Variants in SNX30 observed in about 807,000 individuals in gnomAD.
SNX30 encodes sorting nexin family member 30, also known as sorting nexin-30.
A neutral mutation model predicts 46.4 loss-of-function variants in SNX30; 24 were observed. That is an observed-to-expected ratio of 0.52 (90% confidence interval 0.37 to 0.73). The LOEUF (loss-of-function observed/expected upper bound fraction) is 0.73. SNX30 is among the 30% of genes least tolerant of loss of function. The pLI is 0.00. For synonymous variants in SNX30, 189 were observed against 211.5 expected, an observed-to-expected ratio of 0.89 and a Z score of 0.92; for missense variants, 533 against 555.7, an observed-to-expected ratio of 0.96 and a Z score of 0.41.
Position 112,816,085 on chromosome 9 carries a change from ATCCT to A in SNX30, c.349-1613_349-1610del, listed in dbSNP as rs141715540. On this transcript the variant is annotated intron_variant, in intron 2 of 8. Coordinates refer to ENST00000374232, the MANE Select transcript of SNX30 (RefSeq NM_001012994.2). ...GTCTCAAACTCTAGGGCTCAAGCTAATCCTTCCTTCTTGGCCTCTTAAAGGGCTG... is the reference window on the plus strand; with the variant it reads ...GTCTCAAACTCTAGGGCTCAAGCTAATCCTTCTTGGCCTCTTAAAGGGCTG... 6.4e-3 allele frequency among the ~76,000 whole-genome samples: 971 copies of A among 152,242 alleles called. 7 individuals carry two copies. Among genetic ancestry groups the A allele is most frequent in the Non-Finnish European group, 9.6e-3 (654 of 68,002 alleles).
At chr9:112,805,243 C>T (rs1260022268) in intron 2 of SNX30, among the ~76,000 whole-genome samples, 1 of 151,728 alleles carries the variant, frequency 6.6e-6, no homozygotes, top group African/African-American at 2.4e-5. Context: ...TACCATGATA[C>T]TATTTAACAT....
At position 112,868,874 on chromosome 9, in the gene SNX30, C is replaced by T. The variant is rs1841402079; in HGVS notation, c.*31C>T. 6.2e-7 allele frequency: 1 copy of T among 1,607,520 alleles called. No individual in the cohort carries two copies. Among genetic ancestry groups the T allele is most frequent in the South Asian group, 1.1e-5 (1 of 90,956 alleles). On this transcript the variant is annotated 3_prime_UTR_variant, in exon 9 of 9. Transcript: ENST00000374232. ...TTTCTTGGGACGGAGACTCTTCTAC[C>T]TACACAGGGCCTGGCACCCTATACC... is the stretch of plus-strand genomic sequence containing the variant.
intron 1 of SNX30, among the ~76,000 whole-genome samples, chr9:112,765,338 T>G (rs943588939): frequency 6.6e-6 from 1 of 152,186 alleles, no homozygotes; most frequent in Admixed American, 6.5e-5. Context: ...AAGCATACAT[T>G]TTAGTGGTTT....
intron 2 of SNX30, among the ~76,000 whole-genome samples, chr9:112,807,550 A>G (rs564549940): frequency 3.0e-4 from 46 of 152,246 alleles, no homozygotes; most frequent in African/African-American, 1.1e-3. Context: ...AATTATATCC[A>G]TTTATTTATT....
intron 1 of SNX30, among the ~76,000 whole-genome samples, chr9:112,757,114 C>G (rs1429083098): frequency 1.3e-5 from 2 of 152,208 alleles, no homozygotes; most frequent in African/African-American, 4.8e-5. Flanking sequence ...TCCATATCTG[C>G]TATTTTGTAT....
rs758623233 is a variant in SNX30 at position 112,830,831 on chromosome 9, A to C, written c.566A>C (p.Asp189Ala). The C allele has an allele frequency of 2.2e-5, 36 of 1,613,928 alleles. No homozygotes were observed. The highest frequency in any genetic ancestry group is 1.6e-4 in the Middle Eastern group (1 of 6,084). ...ALDKFLKRIT[D>A]HPVLSFNEHF... is the part of the protein sequence containing the mutation. ...GATAAATTTCTAAAAAGAATTACGG[A>C]CCATCCTGTGCTGTCTTTCAATGAA... Residue 189 changes from aspartate (D) to alanine (A), a missense_variant, in exon 4 of 9, where the codon GAC (aspartate) becomes GCC (alanine). Physicochemically the swap from Asp to Ala is moderately radical, Grantham distance 126. This residue lies in a region of SNX30 where 81 missense variants were observed against 124.4 expected (regional missense o/e 0.65). Transcript: ENST00000374232.
In SNX30 at chr9:112,819,266, C is replaced by CTTTTT. The variant is rs35138610; in HGVS notation, c.459+1465_459+1469dup. Among the ~76,000 whole-genome samples the CTTTTT allele has an allele frequency of 7.4e-4, 86 of 116,982 alleles. 1 individual carries two copies. The highest frequency in any genetic ancestry group is 9.7e-3 in the Middle Eastern group (2 of 206). 76.7% of individuals were successfully genotyped at this position (116,982 alleles called of 152,430 possible). A position where few individuals can be genotyped will look rare whatever the true frequency, so the allele number is the denominator to read the frequency against. ...AGTTCCTTTTTATTTTTCTTTCTTT[C>CTTTTT]TTTTTTTTTTTTTTTTTTGAGATGA... On this transcript the variant is annotated intron_variant, in intron 3 of 8. Coordinates refer to ENST00000374232, the MANE Select transcript of SNX30 (RefSeq NM_001012994.2).
chr9:112,822,536 G>GTTTTTTT lies in SNX30; in HGVS notation c.459+4725_459+4726insTTTTTTT, dbSNP rs139781990. On this transcript the variant is annotated intron_variant, in intron 3 of 8. Coordinates refer to ENST00000374232, the MANE Select transcript of SNX30 (RefSeq NM_001012994.2). ...TTTTCTTTTGTCCCTTTGCTGTTTT[G>GTTTTTTT]TTTTGTTTTTTTTTTTTGTAAGAAC... Among the ~76,000 whole-genome samples, 345 of 123,634 alleles carry GTTTTTTT rather than the reference G, an allele frequency of 2.8e-3. 18 individuals are homozygous for GTTTTTTT. The highest frequency in any genetic ancestry group is 3.3e-3 in the Non-Finnish European group (198 of 60,912). 81.1% of individuals were successfully genotyped at this position (123,634 alleles called of 152,430 possible). A position where few individuals can be genotyped will look rare whatever the true frequency, so the allele number is the denominator to read the frequency against.
intron 6 of SNX30, among the ~76,000 whole-genome samples, chr9:112,843,117 A>G (rs924547975): frequency 1.3e-5 from 2 of 152,214 alleles, no homozygotes; most frequent in African/African-American, 2.4e-5. Flanking sequence ...CATTGTCATG[A>G]CTAGGCCAAA....
chr9:112,875,987 A>G (rs986139502), downstream of SNX30: 7 of 152,030 alleles, frequency 4.6e-5, no homozygotes, highest in East Asian at 1.9e-4. Flanking sequence ...GGGTTTTGCC[A>G]TGTTGCCCAG....
At chr9:112,791,398 A>AATTTTT (rs1564270543) in intron 1 of SNX30, among the ~76,000 whole-genome samples, 1 of 39,888 alleles carries the variant, frequency 2.5e-5, no homozygotes, top group Non-Finnish European at 5.4e-5. Flanking sequence ...ATATTTAGGA[A>AATTTTT]CTTTTTTTTT....
chr9:112,774,027 A>G (rs775280413), intron 1 of SNX30, among the ~76,000 whole-genome samples: 6 of 152,260 alleles, frequency 3.9e-5, no homozygotes, highest in Admixed American at 6.5e-5. Flanking sequence ...GCCAGAAAAC[A>G]GAATTCTCTC....
At chr9:112,755,127 T>G (rs140952371) in intron 1 of SNX30, among the ~76,000 whole-genome samples, 123 of 152,320 alleles carry the variant, frequency 8.1e-4, no homozygotes, top group African/African-American at 2.8e-3. Flanking sequence ...CCTCACTGGA[T>G]ACATTTCAGC....
At chr9:112,861,498 G>A (rs1258058543) in intron 7 of SNX30, among the ~76,000 whole-genome samples, 2 of 152,198 alleles carry the variant, frequency 1.3e-5, no homozygotes, top group Non-Finnish European at 2.9e-5. Context: ...CAGGTGGGGT[G>A]TGCAAGCTAA....
At position 112,797,768 on chromosome 9, in the gene SNX30, G is replaced by T. The variant is rs11792726; in HGVS notation, c.157-7008G>T. ...TCTGTCGCCCAGACTGGAGTGCAGT[G>T]GCATGATCCCGGCTCACTGCAACCT... On this transcript the variant is annotated intron_variant, in intron 1 of 8. Coordinates refer to ENST00000374232, the MANE Select transcript of SNX30 (RefSeq NM_001012994.2). 8.6e-3 allele frequency among the ~76,000 whole-genome samples: 1,172 copies of T among 136,390 alleles called. 13 individuals carry two copies. The highest frequency in any genetic ancestry group is 0.014 in the Non-Finnish European group (911 of 65,704). 89.5% of individuals were successfully genotyped at this position (136,390 alleles called of 152,430 possible).
downstream of SNX30, among the ~76,000 whole-genome samples, chr9:112,882,797 G>A (rs1171421850): frequency 1.3e-5 from 2 of 152,072 alleles, no homozygotes; most frequent in African/African-American, 2.4e-5. Context: ...AGGGTATCAA[G>A]AACCCTATTT....
chr9:112,847,594 CTTAAATA>C (rs1840959225), intron 6 of SNX30, among the ~76,000 whole-genome samples: 2 of 151,896 alleles, frequency 1.3e-5, no homozygotes, highest in Admixed American at 6.6e-5. Context: ...TGGTATGTTT[CTTAAATA>C]TTAAAAAATC....
intron 7 of SNX30, among the ~76,000 whole-genome samples, chr9:112,857,795 A>ATCCAT (rs1564293902): frequency 0.025 from 3,729 of 149,384 alleles, 81 homozygotes; most frequent in African/African-American, 0.065. Context: ...CATCCATCCA[A>ATCCAT]CCATCCATCC....
At chr9:112,795,477 A>G (rs1056096525) in intron 1 of SNX30, among the ~76,000 whole-genome samples, 2 of 152,162 alleles carry the variant, frequency 1.3e-5, no homozygotes, top group African/African-American at 4.8e-5. Flanking sequence ...AGATTCATTC[A>G]TTCATGAAAT....
Sources: allele counts gnomAD v4.1 joint callset (sites outside exome capture counted in the v4.1 genomes callset), GRCh38; gene constraint gnomAD v4.1.1; regional missense constraint gnomAD v4.1.1; transcripts MANE v1.5; gene names NCBI Gene and HGNC (gene_info 2026-07-23, HGNC 2026-07-21).